Variants in ARHGAP15 observed in about 807,000 individuals in gnomAD.
ARHGAP15 encodes the protein rho GTPase-activating protein 15.
Under a neutral mutation model 63.7 loss-of-function variants are expected in ARHGAP15, and 51 were observed. The ratio of observed to expected loss-of-function variants is 0.80; its 90% CI spans 0.64 to 1.01. ARHGAP15 has a LOEUF of 1.01. Among genes scored for constraint, ARHGAP15 ranks in the 50% least tolerant of loss-of-function variants. The pLI is 0.00. For synonymous variants in ARHGAP15, 191 were observed against 193.8 expected, an observed-to-expected ratio of 0.99 and a Z score of 0.12; for missense variants, 560 against 564.6, an observed-to-expected ratio of 0.99 and a Z score of 0.08.
intron 2 of ARHGAP15, among the ~76,000 whole-genome samples, chr2:143,200,333 C>T (rs1692058421): frequency 6.6e-6 from 1 of 151,328 alleles, no homozygotes; most frequent in South Asian, 2.1e-4. Flanking sequence ...TGTGGGGTTC[C>T]AGGTTGTATA....
intron 6 of ARHGAP15, among the ~76,000 whole-genome samples, chr2:143,400,290 A>C (rs574985423): frequency 6.6e-6 from 1 of 152,164 alleles, no homozygotes; most frequent in South Asian, 2.1e-4. Flanking sequence ...AATTTGTTGA[A>C]AGTGAATGAT....
intron 6 of ARHGAP15, among the ~76,000 whole-genome samples, chr2:143,336,913 A>G (rs1326347641): frequency 6.6e-6 from 1 of 152,162 alleles, no homozygotes; most frequent in Non-Finnish European, 1.5e-5. Flanking sequence ...CTGGGAAAAC[A>G]GTGGTGATCA....
intron 9 of ARHGAP15, among the ~76,000 whole-genome samples, chr2:143,503,006 G>C (rs1476672187): frequency 6.6e-6 from 1 of 152,242 alleles, no homozygotes; most frequent in Non-Finnish European, 1.5e-5. Flanking sequence ...CTGCTAGAGA[G>C]AGTCTGCGCT....
chr2:143,152,726 C>T lies in ARHGAP15; in HGVS notation c.-14-2751C>T, dbSNP rs181395447. 2.0e-5 allele frequency among the ~76,000 whole-genome samples: 3 copies of T among 151,914 alleles called. No individual in the cohort carries two copies. In the East Asian group the frequency reaches 5.9e-4, roughly 30 times the overall value. On this transcript the variant is annotated intron_variant, in intron 1 of 13. Coordinates refer to ENST00000295095, the MANE Select transcript of ARHGAP15 (RefSeq NM_018460.4). ...CCCCAAATATTTAACAATAGAAGAA[C>T]AATTATGAAATAGCATCAAGTCAAT...
chr2:143,444,929 A>G (rs1177132525), intron 8 of ARHGAP15, among the ~76,000 whole-genome samples: 1 of 152,156 alleles, frequency 6.6e-6, no homozygotes, highest in Non-Finnish European at 1.5e-5. Context: ...CAATCTGCCA[A>G]TACATCTTTC....
At chr2:143,572,648 A>G (rs1225068042) in intron 11 of ARHGAP15, among the ~76,000 whole-genome samples, 1 of 152,200 alleles carries the variant, frequency 6.6e-6, no homozygotes, top group East Asian at 1.9e-4. Flanking sequence ...CACACCACTT[A>G]GACAGCTATA....
At chr2:143,199,434 T>C (rs889904441) in intron 2 of ARHGAP15, among the ~76,000 whole-genome samples, 3 of 152,064 alleles carry the variant, frequency 2.0e-5, no homozygotes, top group Non-Finnish European at 4.4e-5. Flanking sequence ...TATTCCACAA[T>C]AAAAATTTAG....
intron 10 of ARHGAP15, among the ~76,000 whole-genome samples, chr2:143,539,519 T>C (rs1217697491): frequency 1.3e-5 from 2 of 152,158 alleles, no homozygotes; most frequent in Non-Finnish European, 2.9e-5. Context: ...GGGCATTTAG[T>C]GCTGTAAATT....
chr2:143,155,435 T>C (rs2580857), intron 1 of ARHGAP15, 42 bp from the exon 2 acceptor site: 1 of 1,472,404 alleles, frequency 6.8e-7, no homozygotes, highest in Non-Finnish European at 9.0e-7. Flanking sequence ...TCATGGAAAA[T>C]TGTATGTTTA....
At chr2:143,504,748 C>T (rs1206749818) in intron 9 of ARHGAP15, among the ~76,000 whole-genome samples, 1 of 152,168 alleles carries the variant, frequency 6.6e-6, no homozygotes, top group Non-Finnish European at 1.5e-5. Flanking sequence ...ACCCTTACTA[C>T]CCACAAGCTG....
At chr2:143,487,247 C>G in intron 8 of ARHGAP15, 126 bp from the exon 9 acceptor site, 3 of 1,124,024 alleles carry the variant, frequency 2.7e-6, no homozygotes, top group Non-Finnish European at 3.8e-6. Context: ...TTGTTGTAGA[C>G]AGAAGAGCCT....
At chr2:143,657,985 A>AAAAC (rs1187474008) in intron 12 of ARHGAP15, among the ~76,000 whole-genome samples, 1 of 152,316 alleles carries the variant, frequency 6.6e-6, no homozygotes, top group East Asian at 1.9e-4. Flanking sequence ...ACATTTTTTG[A>AAAAC]AAACATCCCT....
chr2:143,302,842 A>G (rs952828828), intron 6 of ARHGAP15, among the ~76,000 whole-genome samples: 7 of 152,032 alleles, frequency 4.6e-5, no homozygotes, highest in Non-Finnish European at 8.8e-5. Flanking sequence ...TCTAACCCTG[A>G]TTGGTGAGGA....
intron 6 of ARHGAP15, among the ~76,000 whole-genome samples, chr2:143,389,713 C>A (rs925286678): frequency 6.6e-6 from 1 of 152,100 alleles, no homozygotes; most frequent in Non-Finnish European, 1.5e-5. Context: ...AAGTCAGGTG[C>A]CTGGAGAGCT....
chr2:143,166,041 AAAAG>A (rs70982848), intron 2 of ARHGAP15, among the ~76,000 whole-genome samples: 36,512 of 95,784 alleles, frequency 0.38, 6,013 homozygotes, highest in Admixed American at 0.52. Flanking sequence ...CAAAGGAAGA[AAAAG>A]AAAGAAAGAA....
At chr2:143,704,731 G>A (rs533725490) in intron 13 of ARHGAP15, among the ~76,000 whole-genome samples, 86 of 152,258 alleles carry the variant, frequency 5.6e-4, no homozygotes, top group Admixed American at 1.6e-3. Flanking sequence ...CAAATAGATT[G>A]AGCAGTTTTG....
intron 5 of ARHGAP15, among the ~76,000 whole-genome samples, chr2:143,244,864 T>C (rs1393270197): frequency 6.6e-6 from 1 of 152,110 alleles, no homozygotes; most frequent in Non-Finnish European, 1.5e-5. Context: ...GGTCATGAGA[T>C]GGAGAAAAAG....
intron 2 of ARHGAP15, among the ~76,000 whole-genome samples, chr2:143,201,195 A>G (rs990502202): frequency 1.3e-5 from 2 of 150,800 alleles, no homozygotes; most frequent in African/African-American, 4.9e-5. Context: ...CTGCAGCCTC[A>G]AAATCCTGGC....
intron 13 of ARHGAP15, among the ~76,000 whole-genome samples, chr2:143,747,091 G>A (rs931591634): frequency 6.6e-6 from 1 of 152,012 alleles, no homozygotes; most frequent in Non-Finnish European, 1.5e-5. Context: ...GGGGTGGGGA[G>A]AAAGGGGAGG....
Sources: gnomAD v4.1 joint callset for allele counts (sites outside exome capture counted in the v4.1 genomes callset) on GRCh38, gnomAD v4.1.1 for gene constraint, MANE v1.5 for transcripts, NCBI Gene and HGNC (gene_info 2026-07-23, HGNC 2026-07-21) for gene names.